Variants in CLVS2 observed in about 807,000 individuals in gnomAD.
CLVS2 encodes the protein clavesin 2, also known as clavesin-2.
Under a neutral mutation model 29.0 loss-of-function variants are expected in CLVS2, and 19 were observed. The observed-to-expected ratio is 0.66, with a 90% confidence interval of 0.46 to 0.96. The LOEUF (loss-of-function observed/expected upper bound fraction) is 0.96. Ranked by LOEUF, CLVS2 falls within the 40% of genes least tolerant of loss-of-function variation. The pLI is 0.00. For synonymous variants in CLVS2, 161 were observed against 151.3 expected (o/e 1.06, Z -0.47); for missense variants, 294 against 404.1 (o/e 0.73, Z 2.34).
chr6:123,022,726 A>G (rs370741480), intron 3 of CLVS2, among the ~76,000 whole-genome samples: 15 of 152,086 alleles, frequency 9.9e-5, no homozygotes, highest in African/African-American at 3.1e-4. Context: ...AGCTTAGAAA[A>G]CCATGCTTAT....
At chr6:123,010,523 G>C (rs1349782319) in intron 2 of CLVS2, among the ~76,000 whole-genome samples, 1 of 151,886 alleles carries the variant, frequency 6.6e-6, no homozygotes, top group African/African-American at 2.4e-5. Flanking sequence ...CTCAATACAA[G>C]TAATTTGAAT....
At chr6:123,033,475 A>C (rs1775110566) in intron 3 of CLVS2, among the ~76,000 whole-genome samples, 1 of 152,120 alleles carries the variant, frequency 6.6e-6, no homozygotes, top group Non-Finnish European at 1.5e-5. Context: ...ATAGCTTTTC[A>C]ACAAATGTTG....
In CLVS2 at chr6:123,065,437, T is replaced by C. The variant is rs1001194230; in HGVS notation, c.*1676T>C. ...TAAAAGCAAGCTGAATACACCAATG[T>C]ACAGTGTATCAATGGACTGCCTCAT... On this transcript the variant is annotated 3_prime_UTR_variant, in exon 6 of 6. Coordinates refer to ENST00000275162, the MANE Select transcript of CLVS2 (RefSeq NM_001010852.4). 2.0e-5 allele frequency: 3 copies of C among 151,866 alleles called. No individual in the cohort carries two copies. The allele number at this position is 151,866 out of a possible 1,614,324, so 9.4% of individuals were successfully genotyped here.
intron 4 of CLVS2, among the ~76,000 whole-genome samples, chr6:123,049,857 T>A (rs1271519053): frequency 6.6e-6 from 1 of 151,088 alleles, no homozygotes; most frequent in Admixed American, 6.6e-5. Flanking sequence ...AAATGATGAG[T>A]TAATAGGTGC....
chr6:123,023,391 T>C (rs1320009227), intron 3 of CLVS2, among the ~76,000 whole-genome samples: 1 of 152,104 alleles, frequency 6.6e-6, no homozygotes, highest in Non-Finnish European at 1.5e-5. Context: ...TATTCAGCTC[T>C]TGTTTTTAGA....
At chr6:123,016,968 C>T (rs1774844137) in intron 3 of CLVS2, among the ~76,000 whole-genome samples, 1 of 152,072 alleles carries the variant, frequency 6.6e-6, no homozygotes, top group South Asian at 2.1e-4. Flanking sequence ...TGACTTGGAA[C>T]ATCACTGTCC....
intron 3 of CLVS2, among the ~76,000 whole-genome samples, chr6:123,030,477 T>C (rs1775067766): frequency 6.6e-6 from 1 of 152,144 alleles, no homozygotes; most frequent in Admixed American, 6.5e-5. Context: ...CTCATGTGAT[T>C]GTTTGTTTGG....
chr6:123,034,358 A>G (rs149615969), intron 3 of CLVS2, among the ~76,000 whole-genome samples: 173 of 152,330 alleles, frequency 1.1e-3, no homozygotes, highest in African/African-American at 4.0e-3. Context: ...TTCATACCAT[A>G]AAATACTACC....
chr6:123,001,872 A>G (rs942479246), intron 2 of CLVS2, among the ~76,000 whole-genome samples: 1 of 152,204 alleles, frequency 6.6e-6, no homozygotes, highest in Non-Finnish European at 1.5e-5. Flanking sequence ...ACTGTCACAT[A>G]ATTGTTGGAG....
At chr6:123,033,002 AT>A (rs1373844390) in intron 3 of CLVS2, among the ~76,000 whole-genome samples, 5 of 151,438 alleles carry the variant, frequency 3.3e-5, no homozygotes, top group Non-Finnish European at 7.4e-5. Context: ...TCTTAGTTGT[AT>A]TTTTTTCTGC....
chr6:123,001,666 C>T (rs1774590907), intron 2 of CLVS2, among the ~76,000 whole-genome samples: 1 of 152,196 alleles, frequency 6.6e-6, no homozygotes, highest in Admixed American at 6.5e-5. Flanking sequence ...TGTTTTCCTT[C>T]CTAAATGGTA....
In CLVS2 at chr6:122,998,086, C is replaced by T. The variant is rs1436877901; in HGVS notation, c.309C>T (p.Gly103=). Residue 103 remains glycine (G), a synonymous_variant, in exon 2 of 6, where the codon GGC becomes GGT. Transcript: ENST00000275162. The part of the protein sequence containing the change: ...DPGIKQALKD[G]FPGGLANLDH... ...GCATCAAGCAGGCACTGAAGGATGGCTTCCCTGGGGGCCTGGCCAATCTGG... is the reference window on the plus strand; with the variant it reads ...GCATCAAGCAGGCACTGAAGGATGGTTTCCCTGGGGGCCTGGCCAATCTGG... 10 of 1,614,012 alleles carry T rather than the reference C, an allele frequency of 6.2e-6. No homozygotes were observed. The highest frequency in any genetic ancestry group is 2.7e-5 in the African/African-American group (2 of 74,912).
intron 2 of CLVS2, among the ~76,000 whole-genome samples, chr6:123,002,035 A>G (rs1343389458): frequency 4.6e-5 from 7 of 152,236 alleles, no homozygotes; most frequent in Non-Finnish European, 1.0e-4. Context: ...GCAAACAACC[A>G]TTTATCTGGA....
intron 3 of CLVS2, among the ~76,000 whole-genome samples, chr6:123,041,966 T>C (rs1775240502): frequency 6.6e-6 from 1 of 152,178 alleles, no homozygotes; most frequent in Admixed American, 6.5e-5. Context: ...AAATTGAATA[T>C]TCTAAAAAAA....
At chr6:123,041,222 A>C (rs1381815896) in intron 3 of CLVS2, among the ~76,000 whole-genome samples, 1 of 152,214 alleles carries the variant, frequency 6.6e-6, no homozygotes, top group Non-Finnish European at 1.5e-5. Flanking sequence ...CCTTCCAGTC[A>C]TCTTGAGTAG....
intron 3 of CLVS2, among the ~76,000 whole-genome samples, chr6:123,012,479 A>AT (rs908975745): frequency 1.2e-4 from 18 of 150,696 alleles, no homozygotes; most frequent in East Asian, 3.9e-4. Flanking sequence ...GAGAACTCAT[A>AT]TTTTTCTTTC....
chr6:122,999,749 A>T (rs1774562767), intron 2 of CLVS2, among the ~76,000 whole-genome samples: 1 of 152,174 alleles, frequency 6.6e-6, no homozygotes, highest in Non-Finnish European at 1.5e-5. Context: ...TGGAACCTGG[A>T]AATTTTATAT....
At chr6:123,058,559 C>T (rs1008800613) in intron 5 of CLVS2, among the ~76,000 whole-genome samples, 3 of 152,198 alleles carry the variant, frequency 2.0e-5, no homozygotes, top group African/African-American at 7.2e-5. Context: ...GCCTTACCTG[C>T]TCCCCTACTC....
Position 123,071,999 on chromosome 6 carries a change from T to A in CLVS2, c.*8238T>A, listed in dbSNP as rs947705289. The A allele has an allele frequency of 6.6e-6, 1 of 152,086 alleles. No individual in the cohort carries two copies. Among genetic ancestry groups the A allele is most frequent in the Admixed American group, 6.6e-5 (1 of 15,242 alleles). The allele number at this position is 152,086 out of a possible 1,614,324, so 9.4% of individuals were successfully genotyped here. On this transcript the variant is annotated 3_prime_UTR_variant, in exon 6 of 6. Coordinates refer to ENST00000275162, the MANE Select transcript of CLVS2 (RefSeq NM_001010852.4). ...CACAATTGTTCTTAACTATCCCAAA[T>A]TTTTATTTCCTATTTGGACTGACTT... is the stretch of plus-strand genomic sequence containing the variant.
Sources: gnomAD v4.1 joint callset for allele counts (sites outside exome capture counted in the v4.1 genomes callset) on GRCh38, gnomAD v4.1.1 for gene constraint, MANE v1.5 for transcripts, NCBI Gene and HGNC (gene_info 2026-07-23, HGNC 2026-07-21) for gene names.